Variants in TSHZ2 observed in about 807,000 individuals in gnomAD.
TSHZ2 encodes teashirt homolog 2.
Under a neutral mutation model 74.4 loss-of-function variants are expected in TSHZ2, and 21 were observed. The ratio of observed to expected loss-of-function variants is 0.28; its 90% CI spans 0.20 to 0.41. The LOEUF (loss-of-function observed/expected upper bound fraction) is 0.41, where lower values mean the gene tolerates loss of function less well. TSHZ2 is among the 10% of genes least tolerant of loss of function. The probability of loss-of-function intolerance (pLI) is 1.00; values close to 1 mark genes in which losing one functional copy is unlikely to be tolerated. For missense variants in TSHZ2, 1,244 were observed against 1,293.5 expected, an observed-to-expected ratio of 0.96 and a Z score of 0.59; for synonymous variants, 540 against 515.3, an observed-to-expected ratio of 1.05 and a Z score of -0.65.
At chr20:53,124,791 A>C (rs1371479101) in intron 1 of TSHZ2, among the ~76,000 whole-genome samples, 3 of 152,200 alleles carry the variant, frequency 2.0e-5, no homozygotes, top group African/African-American at 7.2e-5. Flanking sequence ...CTTCTTTCCC[A>C]GGGCCACACT....
At chr20:53,236,964 C>T (rs1224036700) in intron 1 of TSHZ2, among the ~76,000 whole-genome samples, 2 of 152,136 alleles carry the variant, frequency 1.3e-5, no homozygotes, top group Non-Finnish European at 2.9e-5. Context: ...GTAGGGCTTA[C>T]AATTCAAGAT....
chr20:53,488,246 A>T lies in TSHZ2; in HGVS notation c.*1111A>T, dbSNP rs1600676467. Reference sequence around the variant, plus strand: ...AAGACATCCATTAAAAGCCCGTTAAAGTTAATTTAACGTAAAAATTCCAAT... The same window carrying T: ...AAGACATCCATTAAAAGCCCGTTAATGTTAATTTAACGTAAAAATTCCAAT... On this transcript the variant is annotated 3_prime_UTR_variant, in exon 3 of 3. Transcript: ENST00000371497. The T allele has an allele frequency of 6.6e-6, 1 of 152,224 alleles. No individual in the cohort carries two copies. Among genetic ancestry groups the T allele is most frequent in the South Asian group, 2.1e-4 (1 of 4,830 alleles). 9.4% of individuals were successfully genotyped at this position (152,224 alleles called of 1,614,324 possible). A position where few individuals can be genotyped will look rare whatever the true frequency, so the allele number is the denominator to read the frequency against.
chr20:53,065,322 C>T (rs1232523846), intron 1 of TSHZ2, among the ~76,000 whole-genome samples: 1 of 152,070 alleles, frequency 6.6e-6, no homozygotes, highest in African/African-American at 2.4e-5. Context: ...GGACATGTTA[C>T]CAGATCTTTC....
chr20:53,056,195 T>C (rs1371200284), intron 1 of TSHZ2, among the ~76,000 whole-genome samples: 1 of 152,234 alleles, frequency 6.6e-6, no homozygotes, highest in Non-Finnish European at 1.5e-5. Flanking sequence ...TTTTTTCTTA[T>C]AGCAGAGAGG....
intron 2 of TSHZ2, among the ~76,000 whole-genome samples, chr20:53,421,904 A>G (rs1983487681): frequency 6.6e-6 from 1 of 151,800 alleles, no homozygotes; most frequent in Admixed American, 6.6e-5. Context: ...GATGGTCTCG[A>G]TCTCCTGACC....
chr20:53,100,975 G>A (rs886623150), intron 1 of TSHZ2, among the ~76,000 whole-genome samples: 5 of 152,090 alleles, frequency 3.3e-5, no homozygotes, highest in African/African-American at 7.2e-5. Flanking sequence ...GCAGGTGGGG[G>A]AGAGATGCAA....
At chr20:53,368,625 T>C (rs1981360924) in intron 2 of TSHZ2, among the ~76,000 whole-genome samples, 1 of 152,186 alleles carries the variant, frequency 6.6e-6, no homozygotes, top group Non-Finnish European at 1.5e-5. Context: ...TGATAATTTT[T>C]ATCACATGAT....
chr20:53,265,081 G>GCCC (rs1990685284), intron 2 of TSHZ2, among the ~76,000 whole-genome samples: 1 of 152,164 alleles, frequency 6.6e-6, no homozygotes, highest in Non-Finnish European at 1.5e-5. Context: ...ACAGCTTGGG[G>GCCC]AGCAAGGGGA....
chr20:53,377,391 C>T (rs75725241), intron 2 of TSHZ2, among the ~76,000 whole-genome samples: 66 of 152,308 alleles, frequency 4.3e-4, no homozygotes, highest in African/African-American at 1.5e-3. Context: ...CTCTCTCACT[C>T]GGTAGCTTGG....
At position 53,490,613 on chromosome 20, in the gene TSHZ2, G is replaced by A. The variant is rs1306112337; in HGVS notation, c.*3478G>A. On this transcript the variant is annotated 3_prime_UTR_variant, in exon 3 of 3. Transcript: ENST00000371497. ...GACAGTCCCCACAGAATTTCTTTCA[G>A]GTCACAGATTTCTTAAAACTCACCC... is the stretch of plus-strand genomic sequence containing the variant. The A allele has an allele frequency of 6.6e-6, 1 of 152,188 alleles. No individual in the cohort carries two copies. Among genetic ancestry groups the A allele is most frequent in the Non-Finnish European group, 1.5e-5 (1 of 68,036 alleles). The allele number at this position is 152,188 out of a possible 1,614,324, so 9.4% of individuals were successfully genotyped here.
intron 1 of TSHZ2, among the ~76,000 whole-genome samples, chr20:53,036,148 T>C (rs1164673589): frequency 6.6e-6 from 1 of 152,190 alleles, no homozygotes; most frequent in Non-Finnish European, 1.5e-5. Flanking sequence ...AAGTAAAAAT[T>C]TATGATGTAC....
At chr20:53,278,561 G>C (rs1263837184) in intron 2 of TSHZ2, among the ~76,000 whole-genome samples, 1 of 152,130 alleles carries the variant, frequency 6.6e-6, no homozygotes, top group Non-Finnish European at 1.5e-5. Flanking sequence ...TCCCAGTACA[G>C]AACTGCCAGA....
chr20:53,223,025 C>A (rs1989600374), intron 1 of TSHZ2, among the ~76,000 whole-genome samples: 1 of 152,134 alleles, frequency 6.6e-6, no homozygotes, highest in African/African-American at 2.4e-5. Flanking sequence ...TTCATTCGAA[C>A]AAGCCACCTT....
intron 2 of TSHZ2, chr20:53,455,556 G>A: frequency 6.6e-6 from 1 of 151,378 alleles, no homozygotes; most frequent in East Asian, 1.9e-4. Flanking sequence ...AGTTGAATAT[G>A]TTTTTCTTTT....
chr20:53,345,242 A>AG (rs1980390617), intron 2 of TSHZ2, among the ~76,000 whole-genome samples: 1 of 152,168 alleles, frequency 6.6e-6, no homozygotes, highest in South Asian at 2.1e-4. Context: ...TGTCCTCAGC[A>AG]GGGGACAGCA....
At chr20:53,235,988 G>A (rs947584733) in intron 1 of TSHZ2, among the ~76,000 whole-genome samples, 1 of 152,150 alleles carries the variant, frequency 6.6e-6, no homozygotes, top group African/African-American at 2.4e-5. Context: ...TTTCCAACAC[G>A]TTATTGTTTA....
At chr20:53,364,887 A>G (rs1981200159) in intron 2 of TSHZ2, among the ~76,000 whole-genome samples, 1 of 152,188 alleles carries the variant, frequency 6.6e-6, no homozygotes, top group African/African-American at 2.4e-5. Flanking sequence ...TTTCTGTGAT[A>G]ATGGCCAAGT....
chr20:53,342,623 A>G (rs190865869), intron 2 of TSHZ2, among the ~76,000 whole-genome samples: 2 of 152,276 alleles, frequency 1.3e-5, no homozygotes, highest in Admixed American at 1.3e-4. Context: ...AGCACTGTAG[A>G]CACTCACGTA....
intron 1 of TSHZ2, among the ~76,000 whole-genome samples, chr20:53,114,402 A>G (rs367775883): frequency 6.6e-6 from 1 of 152,078 alleles, no homozygotes; most frequent in Non-Finnish European, 1.5e-5. Flanking sequence ...TCAGACCCTC[A>G]TCTATAAAGG....
Sources: gnomAD v4.1 joint callset for allele counts (sites outside exome capture counted in the v4.1 genomes callset) on GRCh38, gnomAD v4.1.1 for gene constraint, MANE v1.5 for transcripts, NCBI Gene and HGNC (gene_info 2026-07-23, HGNC 2026-07-21) for gene names.